AUTS2: variants seen among roughly 807,000 people sequenced by gnomAD.
AUTS2 encodes the protein activator of transcription and developmental regulator AUTS2, also known as autism susceptibility gene 2 protein.
In AUTS2, 17 loss-of-function variants were observed where a neutral mutation model predicts 112.4. The observed-to-expected ratio is 0.15, with a 90% CI of 0.10 to 0.23. The LOEUF (loss-of-function observed/expected upper bound fraction) is 0.23. AUTS2 is among the 10% of genes least tolerant of loss of function. The probability of loss-of-function intolerance (pLI) is 1.00; values close to 1 mark genes in which losing one functional copy is unlikely to be tolerated. For missense variants in AUTS2, 1,510 were observed against 1,701.6 expected (o/e 0.89, Z 1.98); for synonymous variants, 751 against 702.7 (o/e 1.07, Z -1.09).
intron 2 of AUTS2, among the ~76,000 whole-genome samples, chr7:69,928,597 C>T (rs566156389): frequency 3.3e-5 from 5 of 152,166 alleles, no homozygotes; most frequent in African/African-American, 4.8e-5. Context: ...GCACATATGC[C>T]GCTAAGTCAT....
intron 1 of AUTS2, among the ~76,000 whole-genome samples, chr7:69,662,907 T>G (rs1189897775): frequency 6.6e-6 from 1 of 152,212 alleles, no homozygotes; most frequent in African/African-American, 2.4e-5. Flanking sequence ...TTGTGATCAT[T>G]TAGCCAGCCC....
intron 5 of AUTS2, among the ~76,000 whole-genome samples, chr7:70,600,687 A>G (rs1049689891): frequency 2.6e-5 from 4 of 152,162 alleles, no homozygotes; most frequent in African/African-American, 9.7e-5. Flanking sequence ...CCCATTAGCA[A>G]TCACTCTCTG....
intron 1 of AUTS2, among the ~76,000 whole-genome samples, chr7:69,639,712 C>T (rs1237271240): frequency 1.3e-5 from 2 of 152,216 alleles, no homozygotes; most frequent in Non-Finnish European, 2.9e-5. Flanking sequence ...CATTCTGTGC[C>T]TCTGAGGGTG....
chr7:70,675,560 C>T (rs1294636038), intron 5 of AUTS2, among the ~76,000 whole-genome samples: 1 of 152,188 alleles, frequency 6.6e-6, no homozygotes, highest in Non-Finnish European at 1.5e-5. Context: ...TAAAGCAGTA[C>T]CCTTTTCTTC....
At chr7:69,897,084 T>G (rs1794778861) in intron 1 of AUTS2, among the ~76,000 whole-genome samples, 1 of 152,214 alleles carries the variant, frequency 6.6e-6, no homozygotes, top group Non-Finnish European at 1.5e-5. Flanking sequence ...AGTGCTACAT[T>G]GGTACTTGGC....
At chr7:70,744,728 C>A (rs1788340036) in intron 6 of AUTS2, among the ~76,000 whole-genome samples, 2 of 152,162 alleles carry the variant, frequency 1.3e-5, no homozygotes, top group African/African-American at 4.8e-5. Flanking sequence ...CTGACAGTGT[C>A]TTTGTGTCTT....
At chr7:70,066,837 GC>G (rs1802520243) in intron 2 of AUTS2, among the ~76,000 whole-genome samples, 1 of 152,030 alleles carries the variant, frequency 6.6e-6, no homozygotes, top group Non-Finnish European at 1.5e-5. Flanking sequence ...GCCACTCCTG[GC>G]CCCCAGTAAA....
chr7:69,943,212 A>C (rs554506553), intron 2 of AUTS2, among the ~76,000 whole-genome samples: 2 of 152,244 alleles, frequency 1.3e-5, no homozygotes, highest in East Asian at 3.8e-4. Flanking sequence ...ACTGAGAATA[A>C]TACTACTGCC....
chr7:70,702,938 C>A (rs967150451), intron 6 of AUTS2, among the ~76,000 whole-genome samples: 1 of 152,072 alleles, frequency 6.6e-6, no homozygotes, highest in Non-Finnish European at 1.5e-5. Context: ...GTTAGTGAAG[C>A]CTTTGGATAT....
At chr7:70,045,710 A>G (rs1199737910) in intron 2 of AUTS2, among the ~76,000 whole-genome samples, 1 of 151,270 alleles carries the variant, frequency 6.6e-6, no homozygotes, top group African/African-American at 2.4e-5. Flanking sequence ...CCAGGTTCAA[A>G]CAGTTCTCCT....
At chr7:69,986,053 G>A (rs552815476) in intron 2 of AUTS2, among the ~76,000 whole-genome samples, 28 of 152,208 alleles carry the variant, frequency 1.8e-4, no homozygotes, top group Admixed American at 4.6e-4. Flanking sequence ...ATGAGCCACC[G>A]TGCCCAGCCG....
intron 4 of AUTS2, among the ~76,000 whole-genome samples, chr7:70,418,177 A>T (rs189294782): frequency 6.6e-6 from 1 of 151,460 alleles, no homozygotes; most frequent in Admixed American, 6.6e-5. Context: ...GGCTTAAGGG[A>T]TCCTCCCACC....
At chr7:70,252,370 A>C (rs1396412855) in intron 4 of AUTS2, among the ~76,000 whole-genome samples, 2 of 152,090 alleles carry the variant, frequency 1.3e-5, no homozygotes, top group Non-Finnish European at 2.9e-5. Context: ...GCATTTTTTC[A>C]TATGTCTGAT....
intron 1 of AUTS2, among the ~76,000 whole-genome samples, chr7:69,776,885 T>TA: frequency 6.6e-6 from 1 of 152,226 alleles, no homozygotes; most frequent in African/African-American, 2.4e-5. Flanking sequence ...GAACCACAAG[T>TA]AATATAAGAG....
At chr7:70,299,870 C>G (rs1432832304) in intron 4 of AUTS2, among the ~76,000 whole-genome samples, 6 of 151,762 alleles carry the variant, frequency 4.0e-5, no homozygotes, top group African/African-American at 1.5e-4. Context: ...TAGGGATCAG[C>G]CAGTCTTAAG....
intron 1 of AUTS2, among the ~76,000 whole-genome samples, chr7:69,766,408 A>G (rs1204283775): frequency 6.6e-6 from 1 of 152,212 alleles, no homozygotes; most frequent in Non-Finnish European, 1.5e-5. Context: ...TGCCATAAAC[A>G]TGGGTGTGCA....
intron 1 of AUTS2, among the ~76,000 whole-genome samples, chr7:69,668,240 G>A (rs928416124): frequency 3.9e-5 from 6 of 152,118 alleles, no homozygotes; most frequent in African/African-American, 1.4e-4. Flanking sequence ...TTTGCTACTT[G>A]GTTTTGATAC....
intron 2 of AUTS2, among the ~76,000 whole-genome samples, chr7:69,960,118 G>T (rs1469608147): frequency 1.3e-5 from 2 of 152,070 alleles, no homozygotes; most frequent in Non-Finnish European, 2.9e-5. Context: ...TTTTCAACTA[G>T]AGTTCAAACA....
At chr7:70,267,170 C>T (rs1787469010) in intron 4 of AUTS2, among the ~76,000 whole-genome samples, 1 of 152,134 alleles carries the variant, frequency 6.6e-6, no homozygotes, top group Non-Finnish European at 1.5e-5. Flanking sequence ...GTTTAAATAT[C>T]TGTATGCTGT....
Sources: allele counts gnomAD v4.1 joint callset (sites outside exome capture counted in the v4.1 genomes callset), GRCh38; gene constraint gnomAD v4.1.1; transcripts MANE v1.5; gene names NCBI Gene and HGNC (gene_info 2026-07-23, HGNC 2026-07-21).